The following FBN3 variants were observed in gnomAD, a reference collection of about 807,000 sequenced individuals.
FBN3 encodes the protein fibrillin-3.
Under a neutral mutation model 330.1 loss-of-function variants are expected in FBN3, and 234 were observed. The observed-to-expected ratio is 0.71, with a 90% CI of 0.64 to 0.79. The LOEUF (loss-of-function observed/expected upper bound fraction) is 0.79, where lower values mean the gene tolerates loss of function less well. Ranked by LOEUF, FBN3 falls within the 30% of genes least tolerant of loss-of-function variation. The pLI is 0.00. For synonymous variants in FBN3, 1,458 were observed against 1,517.3 expected, an observed-to-expected ratio of 0.96 and a Z score of 0.91; for missense variants, 3,606 against 3,886.9, an observed-to-expected ratio of 0.93 and a Z score of 1.92.
chr19:8,141,150 G>A (rs1330508379), intron 8 of FBN3, among the ~76,000 whole-genome samples: 4 of 138,350 alleles, frequency 2.9e-5, no homozygotes, highest in South Asian at 4.8e-4. Flanking sequence ...AGCCGAGATC[G>A]CGCCACTGCA....
At chr19:8,147,045 G>A (rs1178083726) in intron 3 of FBN3, 59 bp downstream of exon 3, 12 of 1,433,790 alleles carry the variant, frequency 8.4e-6, no homozygotes, top group South Asian at 6.1e-5. Flanking sequence ...TGAACCTGCA[G>A]GCAGGTAAGA....
rs1378944961 is a variant in FBN3, at chr19:8,129,926, C to T, written c.2045-561G>A. 6.6e-6 allele frequency among the ~76,000 whole-genome samples: 1 copy of T among 151,306 alleles called. No individual in the cohort carries two copies. The highest frequency in any genetic ancestry group is 1.5e-5 in the Non-Finnish European group (1 of 67,888). On this transcript the variant is annotated intron_variant, in intron 16 of 63. Coordinates refer to ENST00000600128, the MANE Select transcript of FBN3 (RefSeq NM_032447.5). The surrounding 1 kb of genome is among the most constrained non-coding windows in gnomAD (Gnocchi z 4.5). ...AATTTTTTTTTTTTTGAGATAGGGTCTCACTCTGTCGCACAGGCTGGAGTG... is the reference window on the plus strand; with the variant it reads ...AATTTTTTTTTTTTTGAGATAGGGTTTCACTCTGTCGCACAGGCTGGAGTG...
chr19:8,073,317 GGA>G lies in FBN3; in HGVS notation c.7703-22_7703-21del. 1.9e-6 allele frequency: 3 copies of G among 1,599,700 alleles called. No homozygotes were observed. Among genetic ancestry groups the G allele is most frequent in the Non-Finnish European group, 1.7e-6 (2 of 1,168,836 alleles). ...TCTCATCTGTGGGAGGAAAGGAGGA[GGA>G]GAGGGAGGACGCAGAGGTGGGGCAG... is the stretch of plus-strand genomic sequence containing the variant. On this transcript the variant is annotated intron_variant, in intron 61 of 63. Transcript: ENST00000600128.
chr19:8,146,267 C>G (rs8108323), intron 3 of FBN3, 42 bp from the exon 4 acceptor site: 8 of 1,516,670 alleles, frequency 5.3e-6, no homozygotes, highest in Non-Finnish European at 7.2e-6. Flanking sequence ...CAGGACCGAG[C>G]CTGGGCCGTC....
chr19:8,081,308 C>T (rs1191306171), intron 58 of FBN3, 50 bp downstream of exon 58: 1 of 1,567,322 alleles, frequency 6.4e-7, no homozygotes. Context: ...CCTTTGGGGC[C>T]CTAGACTGCA....
chr19:8,135,953 C>CCA lies in FBN3; in HGVS notation c.1591+7_1591+8insTG. On this transcript the variant is annotated splice_region_variant and intron_variant, in intron 13 of 63. Transcript: ENST00000600128. ...AAGCCCCTGCCCACCCGCCCACCCC[C>CCA]AACTCACCCACACAGTTCTTGCCGT... 1 of 828,828 alleles carries CCA rather than the reference C, an allele frequency of 1.2e-6. No individual in the cohort carries two copies. Among genetic ancestry groups the CCA allele is most frequent in the Non-Finnish European group, 1.9e-6 (1 of 529,666 alleles). 51.3% of individuals were successfully genotyped at this position (828,828 alleles called of 1,614,324 possible). A position where few individuals can be genotyped will look rare whatever the true frequency, so the allele number is the denominator to read the frequency against.
Position 8,123,543 on chromosome 19 carries a change from G to T in FBN3, c.3003C>A (p.Thr1001=). ...KVFPGLCTHG[T]CRNTVGSFHC... ...GGAAGCTGCCCACCGTGTTTCTGCA[G>T]GTACCGTGCGTGCAGAGGCCAGGGA... Residue 1001 remains threonine (T), a synonymous_variant, in exon 24 of 64, where the codon ACC becomes ACA. Transcript: ENST00000600128. 6.2e-7 allele frequency: 1 copy of T among 1,614,170 alleles called. No homozygotes were observed. The highest frequency in any genetic ancestry group is 8.5e-7 in the Non-Finnish European group (1 of 1,180,000).
At chr19:8,094,659 C>T in intron 46 of FBN3, 94 bp from the exon 47 acceptor site, 1 of 1,430,574 alleles carries the variant, frequency 7.0e-7, no homozygotes, top group Non-Finnish European at 9.5e-7. Context: ...TGTGTGATCA[C>T]TGAGGGCCCC....
At chr19:8,111,908 GCCCCCCAC>G in intron 31 of FBN3, 61 bp downstream of exon 31, 1 of 465,604 alleles carries the variant, frequency 2.1e-6, no homozygotes, top group South Asian at 7.7e-5. Flanking sequence ...CCACTGCCTT[GCCCCCCAC>G]CGCCTTGCCC....
Position 8,133,006 on chromosome 19 carries a change from C to A in FBN3, c.1692G>T (p.Ala564=), listed in dbSNP as rs746969140. Residue 564 remains alanine, a synonymous_variant, in exon 14 of 64, where the codon GCG becomes GCT. Transcript: ENST00000600128. ...SCLCKPGFLL[A]PGGHYCMDID... The stretch of plus-strand genomic sequence containing the variant: ...CACCCATGCAGTAGTGGCCGCCAGG[C>A]GCCAGCAGGAAGCCGGGTTTGCAGA... 5.1e-6 allele frequency: 8 copies of A among 1,572,168 alleles called. No individual in the cohort carries two copies. The South Asian group carries it at 9.3e-5, about 18-fold the overall frequency.
At chr19:8,067,028 T>C (rs2081407262) in intron 63 of FBN3, among the ~76,000 whole-genome samples, 2 of 151,422 alleles carry the variant, frequency 1.3e-5, no homozygotes, top group African/African-American at 4.9e-5. Flanking sequence ...TCTAAAAAAA[T>C]AGGATGGGCA....
chr19:8,141,956 G>T lies in FBN3; in HGVS notation c.723C>A (p.His241Gln), dbSNP rs749636067. 1.9e-6 allele frequency: 3 copies of T among 1,614,254 alleles called. No individual in the cohort carries two copies. In the Admixed American group the frequency reaches 5.0e-5, roughly 27 times the overall value. Residue 241 changes from histidine (H) to glutamine (Q), a missense_variant, in exon 7 of 64, where the codon CAC becomes CAA. Physicochemically the swap from His to Gln is conservative, Grantham distance 24. Transcript: ENST00000600128. ...PCRRGFIPNI[H>Q]TGACQDVDEC... ...ACTATTCACCTTGGCAGGCCCCCGT[G>T]TGGATATTGGGGATGAAGCCGCGGC...
chr19:8,132,861 CCTTCT>C, intron 14 of FBN3, 118 bp downstream of exon 14: 4 of 1,098,448 alleles, frequency 3.6e-6, no homozygotes, highest in South Asian at 3.7e-5. Context: ...TCTCCCTGCC[CCTTCT>C]CTTCTCCTTC....
At chr19:8,141,683 G>C in intron 8 of FBN3, 34 bp downstream of exon 8, 1 of 1,591,746 alleles carries the variant, frequency 6.3e-7, no homozygotes, top group Middle Eastern at 1.8e-4. Context: ...GAGTCACAGA[G>C]GAGGTCTCAG....
rs902187397 is a variant in FBN3 at position 8,096,162 on chromosome 19, G to T, written c.5540-82C>A. 5.6e-6 allele frequency: 6 copies of T among 1,074,332 alleles called. No individual in the cohort carries two copies. Among genetic ancestry groups the T allele is most frequent in the Non-Finnish European group, 8.7e-6 (6 of 691,806 alleles). 66.5% of individuals were successfully genotyped at this position (1,074,332 alleles called of 1,614,324 possible). A position where few individuals can be genotyped will look rare whatever the true frequency, so the allele number is the denominator to read the frequency against. On this transcript the variant is annotated intron_variant, in intron 44 of 63. Coordinates refer to ENST00000600128, the MANE Select transcript of FBN3 (RefSeq NM_032447.5). This position sits in a 1 kb window ranked among gnomAD's most constrained non-coding sequence, Gnocchi z 4.6. ...GGGAGTGAGAGGCCAGCTGGACCTA[G>T]CACTCCTCCCCTGCACCTAGCCCTG...
intron 61 of FBN3, among the ~76,000 whole-genome samples, chr19:8,074,325 G>A (rs2081590307): frequency 6.6e-6 from 1 of 152,010 alleles, no homozygotes; most frequent in Admixed American, 6.6e-5. Context: ...AGCCCAAGAA[G>A]AACTTAGCTA....
At chr19:8,090,296 G>A (rs972583047) in intron 48 of FBN3, 45 bp from the exon 49 acceptor site, 6 of 1,607,458 alleles carry the variant, frequency 3.7e-6, no homozygotes, top group Non-Finnish European at 2.6e-6. Flanking sequence ...GCCGCTGGCA[G>A]TGCCCACCTG....
In FBN3 at chr19:8,144,920, G is replaced by A. The variant is rs766455939; in HGVS notation, c.498C>T (p.Arg166=). Residue 166 remains arginine (R), a synonymous_variant, in exon 6 of 64, where the codon CGC becomes CGT. Transcript: ENST00000600128. ...HNGGRCIGPN[R]CACVYGFMGP... is the part of the protein sequence containing the mutation. ...CCATGAAGCCATACACACAGGCGCA[G>A]CGGTTGGGCCCAATGCAGCGACCCC... 6.2e-7 allele frequency: 1 copy of A among 1,612,598 alleles called. No individual in the cohort carries two copies. Among genetic ancestry groups the A allele is most frequent in the Admixed American group, 1.7e-5 (1 of 59,822 alleles).
chr19:8,105,235 G>A (rs1484878323), intron 38 of FBN3, among the ~76,000 whole-genome samples: 5 of 151,450 alleles, frequency 3.3e-5, no homozygotes, highest in East Asian at 1.9e-4. Flanking sequence ...TTACAAGCAT[G>A]AGCCACTGTG....
Sources: gnomAD v4.1 joint callset for allele counts (sites outside exome capture counted in the v4.1 genomes callset) on GRCh38, gnomAD v4.1.1 for gene constraint, Gnocchi (gnomAD v3.1) non-coding constraint, MANE v1.5 for transcripts, NCBI Gene and HGNC (gene_info 2026-07-23, HGNC 2026-07-21) for gene names.